PIK3R1: variants seen among roughly 807,000 people sequenced by gnomAD.
PIK3R1 encodes the protein phosphoinositide-3-kinase regulatory subunit 1, also known as phosphatidylinositol 3-kinase regulatory subunit alpha.
In PIK3R1, 29 loss-of-function variants were observed where a neutral mutation model predicts 98.0. The observed-to-expected ratio is 0.30, with a 90% CI of 0.22 to 0.40. PIK3R1 has a LOEUF of 0.40. Among genes scored for constraint, PIK3R1 ranks in the 10% least tolerant of loss-of-function variants. PIK3R1 has a pLI of 1.00. For synonymous variants in PIK3R1, 282 were observed against 311.8 expected (o/e 0.90, Z 1.01); for missense variants, 596 against 872.7 (o/e 0.68, Z 3.99).
intron 7 of PIK3R1, among the ~76,000 whole-genome samples, chr5:68,284,441 C>T (rs1326147238): frequency 6.6e-6 from 1 of 152,172 alleles, no homozygotes; most frequent in Non-Finnish European, 1.5e-5. Flanking sequence ...GAATATGTGG[C>T]TTGGTGAATG....
chr5:68,265,070 C>T (rs904448884), intron 2 of PIK3R1, among the ~76,000 whole-genome samples: 3 of 152,090 alleles, frequency 2.0e-5, no homozygotes, highest in African/African-American at 7.2e-5. Context: ...CTGGTGGGCT[C>T]AGCCCCAATC....
At chr5:68,220,108 A>T (rs910044479) in intron 1 of PIK3R1, among the ~76,000 whole-genome samples, 2 of 152,140 alleles carry the variant, frequency 1.3e-5, no homozygotes, top group African/African-American at 4.8e-5. Flanking sequence ...GTTAATCCTC[A>T]TAATGACTCT....
At chr5:68,225,645 C>T (rs1744245623) in intron 1 of PIK3R1, among the ~76,000 whole-genome samples, 4 of 152,194 alleles carry the variant, frequency 2.6e-5, no homozygotes, top group South Asian at 4.1e-4. Context: ...ACACCTTTCT[C>T]GCACACTGTG....
chr5:68,246,888 A>ATAGC (rs1428081920), intron 2 of PIK3R1, among the ~76,000 whole-genome samples: 3 of 119,886 alleles, frequency 2.5e-5, no homozygotes, highest in African/African-American at 1.0e-4. Flanking sequence ...TTACTGTCAA[A>ATAGC]TAGCTCATTA....
At chr5:68,230,608 T>G (rs534203461) in intron 2 of PIK3R1, among the ~76,000 whole-genome samples, 163 of 152,302 alleles carry the variant, frequency 1.1e-3, no homozygotes, top group Admixed American at 1.5e-3. Flanking sequence ...AACTCTTTAT[T>G]TTCTTCCCAG....
chr5:68,262,712 G>GATAC (rs1561278389), intron 2 of PIK3R1, among the ~76,000 whole-genome samples: 6 of 129,108 alleles, frequency 4.6e-5, no homozygotes, highest in African/African-American at 1.7e-4. Context: ...GATGCATGTA[G>GATAC]ATGCATGTAT....
chr5:68,245,042 G>T (rs999711362), intron 2 of PIK3R1, among the ~76,000 whole-genome samples: 4 of 152,182 alleles, frequency 2.6e-5, no homozygotes, highest in African/African-American at 9.7e-5. Flanking sequence ...TCTGCTTTGG[G>T]TTGATTCTCT....
At position 68,278,880 on chromosome 5, in the gene PIK3R1, C is replaced by T. The variant is rs374124189; in HGVS notation, c.503-722C>T. Among the ~76,000 whole-genome samples, 61 of 152,056 alleles carry T rather than the reference C, an allele frequency of 4.0e-4. No individual in the cohort carries two copies. The South Asian group carries it at 0.012, about 31-fold the overall frequency. On this transcript the variant is annotated intron_variant, in intron 4 of 15. Coordinates refer to ENST00000521381, the MANE Select transcript of PIK3R1 (RefSeq NM_181523.3). The stretch of plus-strand genomic sequence containing the variant: ...GCTTGAACCCGGGAGGTGAAGGTTG[C>T]AGTGAGCCGAGATCACACCAGAGAT...
chr5:68,243,478 C>G (rs1337105759), intron 2 of PIK3R1, among the ~76,000 whole-genome samples: 1 of 152,220 alleles, frequency 6.6e-6, no homozygotes, highest in Admixed American at 6.5e-5. Context: ...GAAAATTCTT[C>G]AAGGGAAGTT....
chr5:68,244,928 TC>T (rs547406874), intron 2 of PIK3R1, among the ~76,000 whole-genome samples: 66 of 152,262 alleles, frequency 4.3e-4, no homozygotes, highest in African/African-American at 1.3e-3. Context: ...CCTCTCTGCA[TC>T]CCCTTGGCAC....
At chr5:68,284,229 T>TC (rs1746980316) in intron 7 of PIK3R1, among the ~76,000 whole-genome samples, 1 of 152,256 alleles carries the variant, frequency 6.6e-6, no homozygotes, top group African/African-American at 2.4e-5. Context: ...GGAGCTGTCC[T>TC]CATTCAGCAG....
chr5:68,218,232 C>T (rs1580165274), intron 1 of PIK3R1, among the ~76,000 whole-genome samples: 1 of 152,072 alleles, frequency 6.6e-6, no homozygotes, highest in Non-Finnish European at 1.5e-5. Context: ...TGGTGGTATG[C>T]GTTTATCTTT....
chr5:68,251,011 G>C (rs953744747), intron 2 of PIK3R1, among the ~76,000 whole-genome samples: 11 of 152,142 alleles, frequency 7.2e-5, no homozygotes, highest in African/African-American at 4.8e-5. Context: ...CTGGTGCTCC[G>C]TGTCTGTTTT....
intron 2 of PIK3R1, among the ~76,000 whole-genome samples, chr5:68,231,347 A>G (rs1022197669): frequency 2.0e-5 from 3 of 152,200 alleles, no homozygotes; most frequent in Non-Finnish European, 4.4e-5. Flanking sequence ...GCAGCCTCTG[A>G]CAGTGGATTT....
Position 68,296,213 on chromosome 5 carries a change from T to A in PIK3R1, c.1857T>A (p.His619Gln), listed in dbSNP as rs763477941. ...AAGATGATGAAGATTTGCCCCATCA[T>A]GATGAGAAGACATGGAATGTTGGAA... ...LVEDDEDLPH[H>Q]DEKTWNVGSS... Residue 619 changes from histidine to glutamine, a missense_variant, in exon 15 of 16, where the codon CAT (histidine) becomes CAA (glutamine). Physicochemically the swap from His to Gln is conservative, Grantham distance 24. Transcript: ENST00000521381. 2 of 1,614,166 alleles carry A rather than the reference T, an allele frequency of 1.2e-6. No individual in the cohort carries two copies. The highest frequency in any genetic ancestry group is 1.7e-6 in the Non-Finnish European group (2 of 1,180,016).
chr5:68,222,305 T>C (rs1445340646), intron 1 of PIK3R1, among the ~76,000 whole-genome samples: 1 of 152,084 alleles, frequency 6.6e-6, no homozygotes, highest in Non-Finnish European at 1.5e-5. Context: ...TGCAGTACTG[T>C]GAAGAATTTG....
At chr5:68,290,851 A>ACC in intron 7 of PIK3R1, 2 of 1,536,436 alleles carry the variant, frequency 1.3e-6, no homozygotes, top group Non-Finnish European at 8.9e-7. Flanking sequence ...CTGCAGTATT[A>ACC]TTGTAGAGAG....
chr5:68,217,714 G>C (rs1476883045), intron 1 of PIK3R1: 3 of 151,948 alleles, frequency 2.0e-5, no homozygotes, highest in Non-Finnish European at 4.4e-5. Flanking sequence ...TAAGGTTTAA[G>C]TTGGAAAGGC....
At chr5:68,273,319 C>T (rs769732145) in intron 2 of PIK3R1, 71 bp from the exon 3 acceptor site, 50 of 1,310,090 alleles carry the variant, frequency 3.8e-5, no homozygotes, top group African/African-American at 7.3e-5. Flanking sequence ...TTATTTTGTA[C>T]GTCCTTCATT....
Sources: allele counts gnomAD v4.1 joint callset (sites outside exome capture counted in the v4.1 genomes callset), GRCh38; gene constraint gnomAD v4.1.1; transcripts MANE v1.5; gene names NCBI Gene and HGNC (gene_info 2026-07-23, HGNC 2026-07-21).